SETBP1: variants seen among roughly 807,000 people sequenced by gnomAD.
SETBP1 encodes the protein SET binding protein 1.
A neutral mutation model predicts 101.0 loss-of-function variants in SETBP1; 9 were observed. The observed-to-expected ratio is 0.09, with a 90% CI of 0.05 to 0.16. The LOEUF (loss-of-function observed/expected upper bound fraction) is 0.16. Ranked by LOEUF, SETBP1 falls within the 10% of genes least tolerant of loss-of-function variation. The pLI, the probability that SETBP1 is intolerant of heterozygous loss-of-function variation, is 1.00. For synonymous variants in SETBP1, 818 were observed against 788.5 expected, an observed-to-expected ratio of 1.04 and a Z score of -0.63; for missense variants, 1,858 against 2,033.8, an observed-to-expected ratio of 0.91 and a Z score of 1.66.
chr18:44,945,179 A>T (rs2071176289), intron 3 of SETBP1, among the ~76,000 whole-genome samples: 1 of 152,178 alleles, frequency 6.6e-6, no homozygotes, highest in Non-Finnish European at 1.5e-5. Flanking sequence ...AACTACCATC[A>T]GAGTGAACAG....
chr18:44,682,751 G>C (rs2068779584), intron 1 of SETBP1, among the ~76,000 whole-genome samples: 1 of 152,202 alleles, frequency 6.6e-6, no homozygotes, highest in African/African-American at 2.4e-5. Flanking sequence ...TGGAGACCAG[G>C]TACCCAGAGT....
chr18:44,691,096 G>C (rs2068924071), intron 1 of SETBP1, among the ~76,000 whole-genome samples: 1 of 152,080 alleles, frequency 6.6e-6, no homozygotes, highest in Non-Finnish European at 1.5e-5. Flanking sequence ...ACAACTTTTG[G>C]TCAAAAGTTG....
chr18:44,747,449 T>C (rs890302483), intron 2 of SETBP1, among the ~76,000 whole-genome samples: 6 of 152,156 alleles, frequency 3.9e-5, no homozygotes, highest in African/African-American at 1.4e-4. Flanking sequence ...GTGAAAATAA[T>C]TCTAGAAAGG....
At chr18:44,986,389 C>G (rs2072234344) in intron 4 of SETBP1, 1 of 152,074 alleles carries the variant, frequency 6.6e-6, no homozygotes, top group Non-Finnish European at 1.5e-5. Context: ...TTGTGAAGGC[C>G]TAGGACATTA....
intron 4 of SETBP1, among the ~76,000 whole-genome samples, chr18:45,031,577 G>A (rs1024116896): frequency 1.3e-5 from 2 of 152,058 alleles, no homozygotes; most frequent in East Asian, 1.9e-4. Context: ...ATGGAAAAAA[G>A]GAGTTTAAGA....
chr18:44,968,466 G>C (rs1397413323), intron 4 of SETBP1, among the ~76,000 whole-genome samples: 1 of 152,176 alleles, frequency 6.6e-6, no homozygotes, highest in Non-Finnish European at 1.5e-5. Context: ...TCATCTATGT[G>C]GACGACCTGG....
intron 3 of SETBP1, among the ~76,000 whole-genome samples, chr18:44,939,902 G>A (rs898957705): frequency 1.3e-5 from 2 of 152,092 alleles, no homozygotes; most frequent in East Asian, 3.9e-4. Flanking sequence ...GTTGGGTGAG[G>A]GTAAGTTGGT....
chr18:44,980,343 G>A (rs1449621607), intron 4 of SETBP1, among the ~76,000 whole-genome samples: 1 of 152,180 alleles, frequency 6.6e-6, no homozygotes, highest in Non-Finnish European at 1.5e-5. Flanking sequence ...CCATGGTTTA[G>A]TAGGGTTGGA....
chr18:44,809,332 G>A (rs1410715660), intron 2 of SETBP1, among the ~76,000 whole-genome samples: 1 of 152,098 alleles, frequency 6.6e-6, no homozygotes, highest in African/African-American at 2.4e-5. Context: ...ACTGACCAAG[G>A]AAGAACCTAT....
chr18:44,901,404 C>T (rs2070041820), intron 3 of SETBP1, among the ~76,000 whole-genome samples: 1 of 152,210 alleles, frequency 6.6e-6, no homozygotes, highest in Admixed American at 6.5e-5. Flanking sequence ...ACAGATTCAT[C>T]TAATGAATTC....
Position 44,950,183 on chromosome 18 carries a change from C to G in SETBP1, c.843C>G (p.Asn281Lys). 6.2e-7 allele frequency: 1 copy of G among 1,613,906 alleles called. No individual in the cohort carries two copies. The highest frequency in any genetic ancestry group is 8.5e-7 in the Non-Finnish European group (1 of 1,180,032). ...GNTWSQLSNN[N>K]KDLLLGGVAP... ...CGTGGAGTCAGTTGTCTAACAATAA[C>G]AAAGATCTGCTCTTGGGAGGTGTGG... The change falls in exon 4 of 6, where the codon AAC (asparagine) becomes AAG (lysine). Residue 281 changes from asparagine (N) to lysine (K), a missense_variant. Physicochemically the swap from Asn to Lys is moderately conservative, Grantham distance 94. Transcript: ENST00000649279.
chr18:45,013,205 A>T (rs2145386059), intron 4 of SETBP1, among the ~76,000 whole-genome samples: 1 of 152,322 alleles, frequency 6.6e-6, no homozygotes, highest in Middle Eastern at 3.4e-3. Flanking sequence ...GGCTGAGATA[A>T]CATGGGGGGA....
rs1361705187 is a variant in SETBP1, at chr18:45,066,675, T to G, written c.*2977T>G. The G allele has an allele frequency of 6.6e-6, 1 of 151,818 alleles. No homozygotes were observed. Among genetic ancestry groups the G allele is most frequent in the Non-Finnish European group, 1.5e-5 (1 of 67,932 alleles). 9.4% of individuals were successfully genotyped at this position (151,818 alleles called of 1,614,324 possible). ...ACTGCCTTCTGGGGGCTGCATTTTTTTTTTTTTTTTGAGAAGAGGTCTTTT... is the reference window on the plus strand; with the variant it reads ...ACTGCCTTCTGGGGGCTGCATTTTTGTTTTTTTTTTGAGAAGAGGTCTTTT... On this transcript the variant is annotated 3_prime_UTR_variant, in exon 6 of 6. Coordinates refer to ENST00000649279, the MANE Select transcript of SETBP1 (RefSeq NM_015559.3).
intron 4 of SETBP1, among the ~76,000 whole-genome samples, chr18:44,979,964 A>C (rs1320666379): frequency 6.6e-6 from 1 of 152,202 alleles, no homozygotes; most frequent in African/African-American, 2.4e-5. Flanking sequence ...GAGGTATGGA[A>C]ATTTTGGAGT....
rs1220043615 is a variant in SETBP1 at position 44,952,666 on chromosome 18, A to G, written c.3326A>G (p.His1109Arg). The G allele has an allele frequency of 5.6e-6, 9 of 1,614,198 alleles. No homozygotes were observed. In the East Asian group the frequency reaches 2.0e-4, roughly 36 times the overall value. The change falls in exon 4 of 6, where the codon CAT becomes CGT. Residue 1109 changes from histidine (H) to arginine (R), a missense_variant. Physicochemically the swap from His to Arg is conservative, Grantham distance 29 (BLOSUM62 0). Transcript: ENST00000649279. ...SHVKMSGAAK[H>R]KAKHGVHLQG... is the part of the protein sequence containing the mutation. ...GTAAAGATGTCCGGTGCAGCTAAGC[A>G]TAAAGCCAAGCATGGAGTACACCTG...
chr18:44,952,112 G>T lies in SETBP1; in HGVS notation c.2772G>T (p.Val924=). ...RHGHRQKHLI[V]DNFLAHESLK... ...GCCACCGGCAAAAGCATCTCATTGT[G>T]GACAACTTTCTGGCCCACGAAAGCC... The change falls in exon 4 of 6, where the codon GTG becomes GTT. Residue 924 remains valine (V), a synonymous_variant. Coordinates refer to ENST00000649279, the MANE Select transcript of SETBP1 (RefSeq NM_015559.3). 6.2e-7 allele frequency: 1 copy of T among 1,614,070 alleles called. No individual in the cohort carries two copies. The highest frequency in any genetic ancestry group is 8.5e-7 in the Non-Finnish European group (1 of 1,180,040).
At chr18:44,896,537 G>A (rs1210101034) in intron 3 of SETBP1, among the ~76,000 whole-genome samples, 1 of 152,030 alleles carries the variant, frequency 6.6e-6, no homozygotes, top group African/African-American at 2.4e-5. Context: ...GATTTTTTCC[G>A]GCTGGAGTGC....
intron 2 of SETBP1, among the ~76,000 whole-genome samples, chr18:44,761,354 T>C (rs7243770): frequency 0.83 from 125,928 of 152,182 alleles, 52,175 homozygotes; most frequent in Admixed American, 0.87. Flanking sequence ...TGTAATAGAA[T>C]ACCACAACTT....
At chr18:44,963,841 G>A (rs1222497002) in intron 4 of SETBP1, among the ~76,000 whole-genome samples, 8 of 123,450 alleles carry the variant, frequency 6.5e-5, no homozygotes, top group Non-Finnish European at 9.5e-5. Flanking sequence ...AGGAAACCAC[G>A]ATTGTGCCAC....
Sources: gnomAD v4.1 joint callset for allele counts (sites outside exome capture counted in the v4.1 genomes callset) on GRCh38, gnomAD v4.1.1 for gene constraint, MANE v1.5 for transcripts, NCBI Gene and HGNC (gene_info 2026-07-23, HGNC 2026-07-21) for gene names.